The following KCNN2 variants were observed in gnomAD, a reference collection of about 807,000 sequenced individuals.
KCNN2 encodes the protein small conductance calcium-activated potassium channel protein 2.
Under a neutral mutation model 55.5 loss-of-function variants are expected in KCNN2, and 24 were observed. That is an observed-to-expected ratio of 0.43 (90% confidence interval 0.31 to 0.61). KCNN2 has a LOEUF of 0.61. Ranked by LOEUF, KCNN2 falls within the 20% of genes least tolerant of loss-of-function variation. The probability of loss-of-function intolerance (pLI) is 0.08; values close to 1 mark genes in which losing one functional copy is unlikely to be tolerated. For synonymous variants in KCNN2, 431 were observed against 336.1 expected (o/e 1.28, Z -3.09); for missense variants, 754 against 853.6 (o/e 0.88, Z 1.45).
At chr5:114,184,338 A>T (rs576048234) in intron 1 of KCNN2, among the ~76,000 whole-genome samples, 1 of 152,328 alleles carries the variant, frequency 6.6e-6, no homozygotes, top group South Asian at 2.1e-4. Context: ...TCAGATTGGC[A>T]GCAAGGTTGA....
intron 1 of KCNN2, among the ~76,000 whole-genome samples, chr5:114,091,933 A>G (rs1041630460): frequency 6.6e-6 from 1 of 152,216 alleles, no homozygotes; most frequent in African/African-American, 2.4e-5. Context: ...AGGTGGGGAC[A>G]CAAAGCCTAA....
intron 1 of KCNN2, among the ~76,000 whole-genome samples, chr5:114,173,651 T>C (rs1479315649): frequency 2.6e-5 from 4 of 151,956 alleles, no homozygotes; most frequent in African/African-American, 9.7e-5. Context: ...TTTTTTGGTG[T>C]CCTCTTTAAT....
At chr5:114,114,874 A>G (rs908233876) in intron 1 of KCNN2, among the ~76,000 whole-genome samples, 17 of 152,170 alleles carry the variant, frequency 1.1e-4, no homozygotes, top group African/African-American at 3.9e-4. Flanking sequence ...TCACACAGCA[A>G]TACAGGATTA....
rs184315956 is a variant in KCNN2 at position 114,287,934 on chromosome 5, T to G, written c.-185+66369T>G. On this transcript the variant is annotated intron_variant, in intron 2 of 10. Coordinates refer to the KCNN2 transcript ENST00000512097. ...ATTTTATTTCTAAATTGAAGTTTTCTTTTTCTCTAAGTAATGGTGCACAGA... is the reference window on the plus strand; with the variant it reads ...ATTTTATTTCTAAATTGAAGTTTTCGTTTTCTCTAAGTAATGGTGCACAGA... Among the ~76,000 whole-genome samples, 18 of 152,320 alleles carry G rather than the reference T, an allele frequency of 1.2e-4. 1 individual carries two copies. In the East Asian group the frequency reaches 3.5e-3, roughly 29 times the overall value.
chr5:114,290,095 G>A (rs1034718366), intron 2 of KCNN2, among the ~76,000 whole-genome samples: 4 of 152,202 alleles, frequency 2.6e-5, no homozygotes, highest in East Asian at 3.9e-4. Flanking sequence ...TCTTTATCTG[G>A]CCTTGGTATT....
intron 2 of KCNN2, among the ~76,000 whole-genome samples, chr5:114,339,087 C>T (rs771384158): frequency 1.3e-5 from 2 of 152,180 alleles, no homozygotes; most frequent in Non-Finnish European, 2.9e-5. Context: ...TAGACAACTC[C>T]TTTGGTGGTT....
chr5:114,195,157 TG>T (rs1330695001), intron 1 of KCNN2, among the ~76,000 whole-genome samples: 2 of 151,980 alleles, frequency 1.3e-5, no homozygotes, highest in Non-Finnish European at 2.9e-5. Flanking sequence ...TTTTAAAGAT[TG>T]TTTTGGCTCT....
intron 2 of KCNN2, among the ~76,000 whole-genome samples, chr5:114,223,798 T>C (rs1281140870): frequency 6.6e-6 from 1 of 152,082 alleles, no homozygotes; most frequent in Non-Finnish European, 1.5e-5. Flanking sequence ...GAAGGGGTGT[T>C]GCTGAGTTGT....
intron 2 of KCNN2, among the ~76,000 whole-genome samples, chr5:114,400,334 T>A (rs1317037787): frequency 6.6e-6 from 1 of 152,188 alleles, no homozygotes; most frequent in African/African-American, 2.4e-5. Context: ...TCCAGTGCAC[T>A]CATTGTCTCC....
chr5:114,458,561 A>G (rs902383533), intron 3 of KCNN2, among the ~76,000 whole-genome samples: 1 of 152,234 alleles, frequency 6.6e-6, no homozygotes, highest in Non-Finnish European at 1.5e-5. Flanking sequence ...CTTCCCTGCT[A>G]TGTTTTTGTA....
chr5:114,190,841 G>T (rs1003309445), intron 1 of KCNN2, among the ~76,000 whole-genome samples: 17 of 152,108 alleles, frequency 1.1e-4, no homozygotes, highest in African/African-American at 4.1e-4. Flanking sequence ...ACTTCTAAAT[G>T]CTTGTAGTGA....
At chr5:114,062,363 T>C (rs1019173605) in intron 1 of KCNN2, among the ~76,000 whole-genome samples, 1 of 152,216 alleles carries the variant, frequency 6.6e-6, no homozygotes. Context: ...TCAGAAGTAC[T>C]GAAAGAGCAC....
chr5:114,252,010 C>G (rs925284800), intron 2 of KCNN2, among the ~76,000 whole-genome samples: 21 of 151,550 alleles, frequency 1.4e-4, no homozygotes, highest in African/African-American at 5.1e-4. Context: ...TCCCGAGCAG[C>G]TGGGATTATA....
chr5:114,078,870 G>C (rs1372838783), intron 1 of KCNN2, among the ~76,000 whole-genome samples: 1 of 152,156 alleles, frequency 6.6e-6, no homozygotes, highest in African/African-American at 2.4e-5. Context: ...TGCCTGCAGA[G>C]CACCTGCTGA....
At chr5:114,144,088 C>A (rs1752346674) in intron 1 of KCNN2, among the ~76,000 whole-genome samples, 1 of 152,298 alleles carries the variant, frequency 6.6e-6, no homozygotes, top group East Asian at 1.9e-4. Context: ...TGAGAGGCCT[C>A]AAAAATCTGT....
At chr5:114,425,533 A>G (rs1404749947) in intron 3 of KCNN2, among the ~76,000 whole-genome samples, 1 of 152,080 alleles carries the variant, frequency 6.6e-6, no homozygotes, top group Non-Finnish European at 1.5e-5. Flanking sequence ...TCCCTTCATC[A>G]TACCTACCTG....
intron 2 of KCNN2, among the ~76,000 whole-genome samples, chr5:114,230,210 G>T (rs912890512): frequency 6.6e-6 from 1 of 151,578 alleles, no homozygotes; most frequent in African/African-American, 2.4e-5. Context: ...TAAAGGATAA[G>T]CAGGATTCTT....
chr5:114,254,747 C>G (rs1227047419), intron 2 of KCNN2, among the ~76,000 whole-genome samples: 1 of 151,980 alleles, frequency 6.6e-6, no homozygotes, highest in Non-Finnish European at 1.5e-5. Flanking sequence ...AAAAATATTG[C>G]CTATGCTTAT....
chr5:114,316,836 T>C (rs1756511010), intron 2 of KCNN2, among the ~76,000 whole-genome samples: 1 of 152,176 alleles, frequency 6.6e-6, no homozygotes, highest in African/African-American at 2.4e-5. Context: ...TCTGTACTCA[T>C]CTGTGAATAT....
Sources: allele counts gnomAD v4.1 joint callset (sites outside exome capture counted in the v4.1 genomes callset), GRCh38; gene constraint gnomAD v4.1.1; transcripts MANE v1.5; gene names NCBI Gene and HGNC (gene_info 2026-07-23, HGNC 2026-07-21).